The following PRKD3 variants were observed in gnomAD, a reference collection of about 807,000 sequenced individuals.
The protein encoded by PRKD3 is protein kinase D3, also known as serine/threonine-protein kinase D3.
Under a neutral mutation model 99.2 loss-of-function variants are expected in PRKD3, and 47 were observed. That is an observed-to-expected ratio of 0.47 (90% CI 0.38 to 0.60). The LOEUF (loss-of-function observed/expected upper bound fraction) is 0.60. Ranked by LOEUF, PRKD3 falls within the 20% of genes least tolerant of loss-of-function variation. The pLI is 0.00. For synonymous variants in PRKD3, 392 were observed against 355.4 expected (o/e 1.10, Z -1.16); for missense variants, 1,019 against 1,088.4 (o/e 0.94, Z 0.90).
Position 37,288,781 on chromosome 2 carries a change from A to T in PRKD3, c.717+575T>A, listed in dbSNP as rs1446010002. 2.0e-5 allele frequency among the ~76,000 whole-genome samples: 3 copies of T among 152,166 alleles called. No homozygotes were observed. The South Asian group carries it at 6.2e-4, about 32-fold the overall frequency. ...CTCATCTGTATACAGATCTGCAGAT[A>T]GCAGTGCCTCATGCCTGCGATCCCA... On this transcript the variant is annotated intron_variant, in intron 5 of 18. Coordinates refer to ENST00000234179, the MANE Select transcript of PRKD3 (RefSeq NM_005813.6).
At chr2:37,324,306 C>T (rs996883476) in intron 1 of PRKD3, 10 of 812,338 alleles carry the variant, frequency 1.2e-5, no homozygotes, top group Admixed American at 1.2e-4. Flanking sequence ...GTTTGGGAGA[C>T]CCGGGAACGG....
chr2:37,315,953 G>A (rs1383077706), intron 2 of PRKD3, among the ~76,000 whole-genome samples: 3 of 152,218 alleles, frequency 2.0e-5, no homozygotes, highest in Non-Finnish European at 2.9e-5. Flanking sequence ...TCGAACTCCT[G>A]ACCTCAGGTG....
rs1670277921 is a variant in PRKD3 at position 37,289,351 on chromosome 2, C to T, written c.717+5G>A. 3.7e-6 allele frequency: 6 copies of T among 1,613,494 alleles called. No individual in the cohort carries two copies. Among genetic ancestry groups the T allele is most frequent in the South Asian group, 1.1e-5 (1 of 90,994 alleles). ...CTAAAATGTCTATTACCTTAGAATA[C>T]GTACCTCTTCACTGGGAAGGGCTAC... On this transcript the variant is annotated splice_donor_5th_base_variant and intron_variant, in intron 5 of 18. Coordinates refer to ENST00000234179, the MANE Select transcript of PRKD3 (RefSeq NM_005813.6).
chr2:37,254,878 T>A (rs770290439), intron 17 of PRKD3, among the ~76,000 whole-genome samples: 2 of 152,208 alleles, frequency 1.3e-5, no homozygotes, highest in African/African-American at 2.4e-5. Context: ...CAGGGTGTTT[T>A]AGTGTACATG....
chr2:37,313,490 G>A (rs1350989107), intron 2 of PRKD3, among the ~76,000 whole-genome samples: 3 of 152,110 alleles, frequency 2.0e-5, no homozygotes, highest in African/African-American at 7.2e-5. Context: ...TTTCTATATG[G>A]AAAACAGTAT....
intron 9 of PRKD3, 58 bp from the exon 10 acceptor site, chr2:37,275,902 G>T: frequency 6.5e-7 from 1 of 1,542,818 alleles, no homozygotes; most frequent in Non-Finnish European, 8.7e-7. Flanking sequence ...CAAAGTGCTT[G>T]TACCTAACTT....
chr2:37,287,610 T>G (rs1012775391), intron 5 of PRKD3, among the ~76,000 whole-genome samples: 2 of 152,204 alleles, frequency 1.3e-5, no homozygotes, highest in Non-Finnish European at 2.9e-5. Context: ...TAGATGGTAG[T>G]TGGGTATTAG....
intron 13 of PRKD3, 167 bp from the exon 14 acceptor site, chr2:37,267,703 T>C (rs998673001): frequency 3.5e-6 from 2 of 577,940 alleles, no homozygotes; most frequent in Non-Finnish European, 6.0e-6. Flanking sequence ...AAAAAATTGT[T>C]TTCCCCTCCA....
At chr2:37,287,908 T>C (rs1572668314) in intron 5 of PRKD3, among the ~76,000 whole-genome samples, 1 of 152,350 alleles carries the variant, frequency 6.6e-6, no homozygotes, top group Non-Finnish European at 1.5e-5. Flanking sequence ...AATAAAGTTC[T>C]TCTTTTTGAG....
At chr2:37,318,502 C>G (rs1405578456) in intron 1 of PRKD3, among the ~76,000 whole-genome samples, 2 of 152,180 alleles carry the variant, frequency 1.3e-5, no homozygotes. Flanking sequence ...CCAGTGCTGT[C>G]TCCACAAGAA....
intron 14 of PRKD3, among the ~76,000 whole-genome samples, chr2:37,262,311 T>C (rs186099246): frequency 3.9e-5 from 6 of 152,324 alleles, no homozygotes; most frequent in African/African-American, 7.2e-5. Flanking sequence ...TTCCACTGTA[T>C]TGTAATAATG....
chr2:37,297,043 T>C (rs1670706938), intron 2 of PRKD3, among the ~76,000 whole-genome samples: 2 of 151,806 alleles, frequency 1.3e-5, no homozygotes, highest in Non-Finnish European at 2.9e-5. Flanking sequence ...TGAAGAATTA[T>C]ACAGAACAAA....
In PRKD3 at chr2:37,252,143, A is replaced by C. The variant is rs918624001; in HGVS notation, c.*1034T>G. 4 of 152,198 alleles carry C rather than the reference A, an allele frequency of 2.6e-5. No homozygotes were observed. Among genetic ancestry groups the C allele is most frequent in the Non-Finnish European group, 5.9e-5 (4 of 68,038 alleles). The allele number at this position is 152,198 out of a possible 1,614,324, so 9.4% of individuals were successfully genotyped here. The stretch of plus-strand genomic sequence containing the variant: ...CAAACTGCTTAAAATAATTGACTTT[A>C]AAACACTCCAGATATCTGCAAAGCC... On this transcript the variant is annotated 3_prime_UTR_variant, in exon 19 of 19. Transcript: ENST00000234179.
In PRKD3 at chr2:37,272,436, T is replaced by G; in HGVS notation, c.1652-4A>C. On this transcript the variant is annotated splice_polypyrimidine_tract_variant and splice_region_variant and intron_variant, in intron 11 of 18. Transcript: ENST00000234179. ...GAGATACTTGTAGACAAATCTTCTG[T>G]AAAATATAAAAAAGACAAAATTTAG... The G allele has an allele frequency of 6.3e-7, 1 of 1,599,966 alleles. No homozygotes were observed.
chr2:37,314,058 GGAGA>G (rs1671559016), intron 2 of PRKD3, among the ~76,000 whole-genome samples: 1 of 152,112 alleles, frequency 6.6e-6, no homozygotes, highest in African/African-American at 2.4e-5. Context: ...AAAACTGAAA[GGAGA>G]AAGACAAATC....
At chr2:37,272,719 G>A (rs1669345695) in intron 11 of PRKD3, among the ~76,000 whole-genome samples, 2 of 152,192 alleles carry the variant, frequency 1.3e-5, no homozygotes, top group Admixed American at 6.5e-5. Context: ...GTTAAAAAGG[G>A]AAGTTTTACT....
At chr2:37,257,687 A>G (rs1245794647) in intron 16 of PRKD3, among the ~76,000 whole-genome samples, 2 of 151,554 alleles carry the variant, frequency 1.3e-5, no homozygotes, top group South Asian at 2.1e-4. Context: ...AAAAAAAAAA[A>G]AAAAAAAGTT....
chr2:37,288,593 CT>C (rs1420523354), intron 5 of PRKD3, among the ~76,000 whole-genome samples: 1 of 152,124 alleles, frequency 6.6e-6, no homozygotes, highest in Non-Finnish European at 1.5e-5. Context: ...GGAGTTATTT[CT>C]TTTTTCCTGG....
intron 6 of PRKD3, among the ~76,000 whole-genome samples, chr2:37,284,047 C>T (rs183621407): frequency 9.9e-5 from 15 of 152,174 alleles, no homozygotes; most frequent in South Asian, 4.1e-4. Flanking sequence ...ACTTTACATA[C>T]GCTTTTAAGC....
Sources: allele counts gnomAD v4.1 joint callset (sites outside exome capture counted in the v4.1 genomes callset), GRCh38; gene constraint gnomAD v4.1.1; transcripts MANE v1.5; gene names NCBI Gene and HGNC (gene_info 2026-07-23, HGNC 2026-07-21).